Variants in DPYD observed in about 807,000 individuals in gnomAD.
DPYD encodes the protein dihydropyrimidine dehydrogenase [NADP(+)].
In DPYD, 109 loss-of-function variants were observed where a neutral mutation model predicts 116.2. The observed-to-expected ratio is 0.94, with a 90% CI of 0.80 to 1.10. DPYD has a LOEUF of 1.10. Among genes scored for constraint, DPYD ranks in the 50% least tolerant of loss-of-function variants. DPYD has a pLI of 0.00. For missense variants in DPYD, 1,302 were observed against 1,254.5 expected, an observed-to-expected ratio of 1.04 and a Z score of -0.57; for synonymous variants, 440 against 432.0, an observed-to-expected ratio of 1.02 and a Z score of -0.23.
At chr1:97,818,045 T>C (rs1376771034) in intron 3 of DPYD, among the ~76,000 whole-genome samples, 6 of 152,060 alleles carry the variant, frequency 3.9e-5, no homozygotes, top group Non-Finnish European at 5.9e-5. Flanking sequence ...ATACAATCTT[T>C]TGATACTAAG....
intron 3 of DPYD, among the ~76,000 whole-genome samples, chr1:97,765,467 G>C (rs571402883): frequency 3.4e-4 from 52 of 152,284 alleles, no homozygotes; most frequent in African/African-American, 1.2e-3. Context: ...ACAGCAGCTA[G>C]GACAGTCAAC....
intron 8 of DPYD, among the ~76,000 whole-genome samples, chr1:97,659,201 C>A (rs974851107): frequency 6.6e-6 from 1 of 152,128 alleles, no homozygotes; most frequent in Non-Finnish European, 1.5e-5. Flanking sequence ...AATCTCTGAT[C>A]TTTGTGAAGT....
intron 14 of DPYD, among the ~76,000 whole-genome samples, chr1:97,399,813 T>C (rs1673260789): frequency 6.6e-6 from 1 of 152,184 alleles, no homozygotes; most frequent in Non-Finnish European, 1.5e-5. Flanking sequence ...CCTGAGACTT[T>C]GTTGAAGTTG....
chr1:97,757,597 T>C (rs1056594941), intron 3 of DPYD, among the ~76,000 whole-genome samples: 1 of 152,172 alleles, frequency 6.6e-6, no homozygotes, highest in East Asian at 1.9e-4. Context: ...TGCGTTCCTA[T>C]CTTGAAAAAA....
chr1:97,089,614 C>A (rs1309011530), intron 21 of DPYD, among the ~76,000 whole-genome samples: 3 of 152,076 alleles, frequency 2.0e-5, no homozygotes, highest in Admixed American at 1.3e-4. Context: ...TTTTGATACC[C>A]TCTTCTTCCT....
chr1:97,345,745 G>A (rs1669809036), intron 16 of DPYD, among the ~76,000 whole-genome samples: 1 of 151,908 alleles, frequency 6.6e-6, no homozygotes, highest in African/African-American at 2.4e-5. Context: ...CAAAATGAGT[G>A]CAAAGTCACT....
chr1:97,761,937 T>C (rs751721787), intron 3 of DPYD, among the ~76,000 whole-genome samples: 1 of 152,136 alleles, frequency 6.6e-6, no homozygotes, highest in Non-Finnish European at 1.5e-5. Context: ...CTATCACTTA[T>C]AAGTGTGAGT....
intron 7 of DPYD, among the ~76,000 whole-genome samples, chr1:97,683,353 A>C (rs1660528122): frequency 6.6e-6 from 1 of 151,848 alleles, no homozygotes; most frequent in Non-Finnish European, 1.5e-5. Flanking sequence ...GGTTCAAATA[A>C]CCATAGTGAA....
intron 13 of DPYD, among the ~76,000 whole-genome samples, chr1:97,461,573 C>A (rs1677035900): frequency 6.6e-6 from 1 of 152,110 alleles, no homozygotes. Flanking sequence ...ATCTATGAAA[C>A]TATTCAGCTA....
intron 14 of DPYD, among the ~76,000 whole-genome samples, chr1:97,424,722 C>G (rs936644058): frequency 6.6e-6 from 1 of 151,738 alleles, no homozygotes; most frequent in Non-Finnish European, 1.5e-5. Context: ...TAGTATGAAC[C>G]CTTTAAATAT....
intron 13 of DPYD, among the ~76,000 whole-genome samples, chr1:97,466,939 G>GT (rs1414986426): frequency 3.3e-5 from 5 of 152,186 alleles, no homozygotes; most frequent in Admixed American, 1.3e-4. Flanking sequence ...GGGGCCTGCA[G>GT]TGGGGGGTGG....
chr1:97,370,682 C>T (rs370067766), intron 16 of DPYD, among the ~76,000 whole-genome samples: 43 of 151,988 alleles, frequency 2.8e-4, no homozygotes, highest in African/African-American at 9.7e-4. Context: ...CAGTAGCCTG[C>T]TATTTTTAAT....
rs572973987 is a variant in DPYD, at chr1:97,086,633, G to A, written c.2767-4163C>T. On this transcript the variant is annotated intron_variant, in intron 21 of 22. Coordinates refer to ENST00000370192, the MANE Select transcript of DPYD (RefSeq NM_000110.4). Reference sequence around the variant, plus strand: ...TTTCTACTGCATGCCTATGGCTCTCGCCCTATCTTAAAGTAAAACAAAAGT... The same window carrying A: ...TTTCTACTGCATGCCTATGGCTCTCACCCTATCTTAAAGTAAAACAAAAGT... Among the ~76,000 whole-genome samples, 141 of 151,900 alleles carry A rather than the reference G, an allele frequency of 9.3e-4. 1 individual carries two copies. The highest frequency in any genetic ancestry group is 3.2e-3 in the African/African-American group (131 of 41,402).
At chr1:97,576,770 C>G (rs751810365) in intron 10 of DPYD, among the ~76,000 whole-genome samples, 2 of 152,184 alleles carry the variant, frequency 1.3e-5, no homozygotes, top group Non-Finnish European at 2.9e-5. Flanking sequence ...AATTATCCGA[C>G]AGTGCACTGG....
chr1:97,774,049 A>G (rs1296605348), intron 3 of DPYD, among the ~76,000 whole-genome samples: 1 of 151,832 alleles, frequency 6.6e-6, no homozygotes, highest in Non-Finnish European at 1.5e-5. Context: ...TAAACACCCA[A>G]CCCTAGATGC....
At chr1:97,397,241 A>G (rs1054018924) in intron 14 of DPYD, among the ~76,000 whole-genome samples, 1 of 152,076 alleles carries the variant, frequency 6.6e-6, no homozygotes, top group Non-Finnish European at 1.5e-5. Context: ...ATAAAAGATC[A>G]TGACTACTAC....
chr1:97,679,198 T>C lies in DPYD; in HGVS notation c.763-16A>G. ...CGCAAATTATCTATAAGAAACAATA[T>C]TTTGCATAAGAAAATTTGGCATATG... On this transcript the variant is annotated splice_polypyrimidine_tract_variant and intron_variant, in intron 7 of 22. Coordinates refer to ENST00000370192, the MANE Select transcript of DPYD (RefSeq NM_000110.4). 1 of 1,424,940 alleles carries C rather than the reference T, an allele frequency of 7.0e-7. No individual in the cohort carries two copies. The allele number at this position is 1,424,940 out of a possible 1,614,324, so 88.3% of individuals were successfully genotyped here. A position where few individuals can be genotyped will look rare whatever the true frequency, so the allele number is the denominator to read the frequency against.
intron 16 of DPYD, among the ~76,000 whole-genome samples, chr1:97,310,641 T>C (rs1187481746): frequency 3.3e-5 from 5 of 151,810 alleles, no homozygotes; most frequent in Non-Finnish European, 7.4e-5. Flanking sequence ...TCTGTTTTTC[T>C]GACTTAAGTA....
intron 8 of DPYD, among the ~76,000 whole-genome samples, chr1:97,653,449 C>A (rs908141851): frequency 6.6e-6 from 1 of 151,892 alleles, no homozygotes; most frequent in Non-Finnish European, 1.5e-5. Context: ...GGATTACAGG[C>A]ACGTGCCAAC....
Sources: allele counts gnomAD v4.1 joint callset (sites outside exome capture counted in the v4.1 genomes callset), GRCh38; gene constraint gnomAD v4.1.1; transcripts MANE v1.5; gene names NCBI Gene and HGNC (gene_info 2026-07-23, HGNC 2026-07-21).